Variants in SP140 observed in about 807,000 individuals in gnomAD.
SP140 encodes the protein SP140 nuclear body protein.
In SP140, 81 loss-of-function variants were observed where a neutral mutation model predicts 125.0. The observed-to-expected ratio is 0.65, with a 90% confidence interval of 0.54 to 0.78. The LOEUF (loss-of-function observed/expected upper bound fraction) is 0.78. SP140 is among the 30% of genes least tolerant of loss of function. The pLI is 0.00. For missense variants in SP140, 858 were observed against 1,037.0 expected (o/e 0.83, Z 2.37); for synonymous variants, 312 against 354.0 (o/e 0.88, Z 1.33).
intron 7 of SP140, 139 bp downstream of exon 7, chr2:230,246,079 A>G (rs2049406711): frequency 4.8e-6 from 3 of 626,724 alleles, no homozygotes; most frequent in East Asian, 2.8e-5. Flanking sequence ...CCATCCATCC[A>G]TATATCCATC....
At chr2:230,287,171 A>G (rs1471132324) in intron 17 of SP140, among the ~76,000 whole-genome samples, 1 of 152,150 alleles carries the variant, frequency 6.6e-6, no homozygotes, top group Non-Finnish European at 1.5e-5. Flanking sequence ...GGCTGCGGAA[A>G]TCTCAATTCT....
chr2:230,261,194 G>T (rs2052174611), intron 12 of SP140, among the ~76,000 whole-genome samples: 1 of 151,674 alleles, frequency 6.6e-6, no homozygotes, highest in African/African-American at 2.4e-5. Context: ...TGTTGTTGTT[G>T]TTGTTGTTGT....
rs370656079 is a variant in SP140, at chr2:230,215,070, G to A, written c.-91+996G>A. 6 of 1,613,504 alleles carry A rather than the reference G, an allele frequency of 3.7e-6. No individual in the cohort carries two copies. Among genetic ancestry groups the A allele is most frequent in the African/African-American group, 2.7e-5 (2 of 75,046 alleles). On this transcript the variant is annotated intron_variant, in intron 3 of 4. Coordinates refer to the SP140 transcript ENST00000456542. ...CTCTCCAGTTGGGTGAGAATGTTGT[G>A]CACCACTCTGGATACAGGGATCAAA...
chr2:230,300,434 G>T (rs1229120893), intron 22 of SP140, among the ~76,000 whole-genome samples: 2 of 152,128 alleles, frequency 1.3e-5, no homozygotes, highest in East Asian at 3.8e-4. Flanking sequence ...AGCACGTGCT[G>T]GTACCCATGA....
rs531730371 is a variant in SP140 at position 230,275,406 on chromosome 2, A to C, written c.1498+4767A>C. Among the ~76,000 whole-genome samples, 77 of 152,156 alleles carry C rather than the reference A, an allele frequency of 5.1e-4. No homozygotes were observed. In the South Asian group the frequency reaches 6.2e-3, roughly 12 times the overall value. The stretch of plus-strand genomic sequence containing the variant: ...TCGCAATATTTCAAATTTTATTATT[A>C]TTCTTCTTCCTGTTATGGTAGTATG... On this transcript the variant is annotated intron_variant, in intron 15 of 26. Transcript: ENST00000392045.
upstream of SP140, among the ~76,000 whole-genome samples, chr2:230,224,878 G>A (rs992647622): frequency 6.6e-6 from 1 of 152,140 alleles, no homozygotes; most frequent in African/African-American, 2.4e-5. Flanking sequence ...TTCTAGTCCT[G>A]TGGTTATATT....
chr2:230,302,308 G>A (rs757501805), intron 22 of SP140, among the ~76,000 whole-genome samples: 1 of 152,072 alleles, frequency 6.6e-6, no homozygotes, highest in African/African-American at 2.4e-5. Context: ...GCAGGAGAAT[G>A]GCATGAACCC....
At chr2:230,305,057 A>G (rs945188594) in intron 22 of SP140, among the ~76,000 whole-genome samples, 2 of 152,272 alleles carry the variant, frequency 1.3e-5, no homozygotes, top group Admixed American at 6.5e-5. Flanking sequence ...AGCAATCAGC[A>G]AGAAAAAATC....
the SP140 span, chr2:230,186,255 T>A: frequency 1.9e-6 from 2 of 1,030,126 alleles, no homozygotes; most frequent in South Asian, 2.9e-5. Flanking sequence ...TTTTCTTGTG[T>A]GTATCTTTCT....
intron 4 of SP140, 94 bp downstream of exon 4, chr2:230,241,581 C>A: frequency 1.4e-6 from 1 of 735,484 alleles, no homozygotes; most frequent in Non-Finnish European, 2.4e-6. Context: ...TGTCTTAGCC[C>A]TCTGTTATCT....
At chr2:230,266,860 T>C (rs1057063082) in intron 12 of SP140, among the ~76,000 whole-genome samples, 1 of 152,224 alleles carries the variant, frequency 6.6e-6, no homozygotes, top group Non-Finnish European at 1.5e-5. Flanking sequence ...CTTCTGCTGC[T>C]GGCTAGAGAA....
intron 2 of SP140, chr2:230,213,825 C>G (rs888118997): frequency 3.3e-5 from 5 of 152,322 alleles, no homozygotes; most frequent in Non-Finnish European, 5.9e-5. Context: ...CTTACCATAG[C>G]CTTTAAGGCC....
At chr2:230,226,625 C>G (rs6734753) in intron 1 of SP140, among the ~76,000 whole-genome samples, 19,803 of 151,780 alleles carry the variant, frequency 0.13, 1,449 homozygotes, top group Middle Eastern at 0.21. Context: ...AGCTGGGTGT[C>G]ATGGTGTATG....
At chr2:230,248,113 T>C (rs1559250338) in intron 8 of SP140, 48 bp downstream of exon 8, 1 of 1,589,308 alleles carries the variant, frequency 6.3e-7, no homozygotes, top group Non-Finnish European at 8.6e-7. Flanking sequence ...AAAATGAGAG[T>C]GCCAACATGG....
At chr2:230,289,774 C>T (rs1353438694) in intron 18 of SP140, among the ~76,000 whole-genome samples, 1 of 152,116 alleles carries the variant, frequency 6.6e-6, no homozygotes, top group African/African-American at 2.4e-5. Flanking sequence ...CACGCCTGGC[C>T]CTACACCTTT....
chr2:230,285,528 A>T (rs1253764959), intron 16 of SP140, among the ~76,000 whole-genome samples: 1 of 152,238 alleles, frequency 6.6e-6, no homozygotes, highest in Non-Finnish European at 1.5e-5. Flanking sequence ...TAACATTCTC[A>T]TTTAAGTCTG....
At chr2:230,207,714 T>G (rs528346317) in intron 1 of SP140, among the ~76,000 whole-genome samples, 1 of 152,330 alleles carries the variant, frequency 6.6e-6, no homozygotes, top group African/African-American at 2.4e-5. Flanking sequence ...GAATTGGCAC[T>G]CTTCTCTGCA....
At chr2:230,199,264 A>G (rs1237880253), upstream of SP140, among the ~76,000 whole-genome samples, 2 of 119,884 alleles carry the variant, frequency 1.7e-5, no homozygotes, top group Admixed American at 2.3e-4. Context: ...GCTAGAGTGT[A>G]GTGGTGTGAT....
At chr2:230,225,358 C>T (rs1270330812), upstream of SP140, among the ~76,000 whole-genome samples, 1 of 152,184 alleles carries the variant, frequency 6.6e-6, no homozygotes, top group African/African-American at 2.4e-5. Context: ...TTCTCCCTGG[C>T]CCCATGTCCA....
Sources: allele counts gnomAD v4.1 joint callset (sites outside exome capture counted in the v4.1 genomes callset), GRCh38; gene constraint gnomAD v4.1.1; transcripts MANE v1.5; gene names NCBI Gene and HGNC (gene_info 2026-07-23, HGNC 2026-07-21).